The following BAZ2B variants were observed in gnomAD, a reference collection of about 807,000 sequenced individuals.
BAZ2B encodes bromodomain adjacent to zinc finger domain protein 2B.
A neutral mutation model predicts 246.0 loss-of-function variants in BAZ2B; 91 were observed. The observed-to-expected ratio is 0.37, with a 90% CI of 0.31 to 0.44. BAZ2B has a LOEUF of 0.44. Ranked by LOEUF, BAZ2B falls within the 20% of genes least tolerant of loss-of-function variation. BAZ2B has a pLI of 1.00. For missense variants in BAZ2B, 2,332 were observed against 2,533.7 expected (o/e 0.92, Z 1.71); for synonymous variants, 855 against 860.0 (o/e 0.99, Z 0.10).
chr2:159,629,930 G>A, the BAZ2B span, among the ~76,000 whole-genome samples: 1 of 152,128 alleles, frequency 6.6e-6, no homozygotes, highest in Non-Finnish European at 1.5e-5. Flanking sequence ...AAGAAAGCAA[G>A]TTGGAGAAAA....
chr2:159,569,413 T>G (rs780005719), intron 1 of BAZ2B, among the ~76,000 whole-genome samples: 8 of 152,078 alleles, frequency 5.3e-5, no homozygotes, highest in Non-Finnish European at 1.2e-4. Context: ...AGGCAAAAAA[T>G]TTTTAATAAA....
intron 22 of BAZ2B, 36 bp from the exon 23 acceptor site, chr2:159,385,405 C>T (rs1175927949): frequency 1.3e-6 from 2 of 1,540,470 alleles, no homozygotes; most frequent in East Asian, 4.5e-5. Flanking sequence ...GTATTACTCA[C>T]AACCATTTAT....
chr2:159,650,820 A>C, the BAZ2B span, among the ~76,000 whole-genome samples: 4 of 152,164 alleles, frequency 2.6e-5, no homozygotes, highest in Non-Finnish European at 5.9e-5. Flanking sequence ...AAAGTCTCTC[A>C]CAGCAGTAAG....
intron 1 of BAZ2B, among the ~76,000 whole-genome samples, chr2:159,570,472 C>T (rs551518893): frequency 7.2e-5 from 11 of 152,264 alleles, no homozygotes; most frequent in African/African-American, 1.2e-4. Flanking sequence ...TAAGCCACTG[C>T]GCCCGGCCTC....
chr2:159,419,128 C>A (rs2068274797), intron 13 of BAZ2B, among the ~76,000 whole-genome samples: 1 of 152,116 alleles, frequency 6.6e-6, no homozygotes, highest in Non-Finnish European at 1.5e-5. Context: ...GAATCTTTTA[C>A]TTCCCAATTT....
At chr2:159,558,362 T>C (rs1056581014) in intron 1 of BAZ2B, among the ~76,000 whole-genome samples, 3 of 152,188 alleles carry the variant, frequency 2.0e-5, no homozygotes, top group Non-Finnish European at 2.9e-5. Flanking sequence ...GTTCAAGCAA[T>C]TCTCCCGCCT....
chr2:159,357,377 T>C (rs2149245230), intron 27 of BAZ2B, among the ~76,000 whole-genome samples: 1 of 151,716 alleles, frequency 6.6e-6, no homozygotes, highest in South Asian at 2.1e-4. Flanking sequence ...TATCAATGAT[T>C]GAATATCAAC....
intron 2 of BAZ2B, among the ~76,000 whole-genome samples, chr2:159,482,445 A>G (rs986124490): frequency 6.6e-6 from 1 of 152,142 alleles, no homozygotes; most frequent in Admixed American, 6.5e-5. Flanking sequence ...AGCATTTAAT[A>G]CTTGTTAGCT....
intron 6 of BAZ2B, among the ~76,000 whole-genome samples, chr2:159,445,403 G>A (rs1461561012): frequency 3.9e-5 from 6 of 152,130 alleles, no homozygotes; most frequent in Non-Finnish European, 8.8e-5. Flanking sequence ...ATGAAATAAA[G>A]ATAACCTTTG....
chr2:159,426,452 GA>G (rs2069898023), intron 13 of BAZ2B, among the ~76,000 whole-genome samples: 1 of 152,062 alleles, frequency 6.6e-6, no homozygotes, highest in South Asian at 2.1e-4. Flanking sequence ...CTTTAAAACT[GA>G]TATCGTGTAT....
intron 3 of BAZ2B, among the ~76,000 whole-genome samples, chr2:159,457,243 A>G (rs1230713140): frequency 6.6e-6 from 1 of 152,188 alleles, no homozygotes. Flanking sequence ...TCATGTTTTG[A>G]GCATAATTTA....
At chr2:159,640,633 T>G in the BAZ2B span, among the ~76,000 whole-genome samples, 2 of 151,982 alleles carry the variant, frequency 1.3e-5, no homozygotes, top group African/African-American at 4.8e-5. Flanking sequence ...AGAAGGAAAT[T>G]GAAAGCTTTC....
chr2:159,385,095 C>T, intron 23 of BAZ2B, 60 bp downstream of exon 23: 1 of 1,508,772 alleles, frequency 6.6e-7, no homozygotes, highest in Non-Finnish European at 9.1e-7. Context: ...ATTTGTATTA[C>T]TTTTTGATTA....
At chr2:159,462,772 A>G (rs576041266) in intron 3 of BAZ2B, 467 of 1,407,442 alleles carry the variant, frequency 3.3e-4, no homozygotes, top group African/African-American at 2.0e-3. Flanking sequence ...GCTGACACTC[A>G]TGGCTTTCAA....
At chr2:159,459,845 C>T (rs2076199489) in intron 3 of BAZ2B, 1 of 152,060 alleles carries the variant, frequency 6.6e-6, no homozygotes, top group Non-Finnish European at 1.5e-5. Context: ...GTATTGCTCA[C>T]AAAACCTGTC....
chr2:159,367,082 T>C (rs150533338), intron 27 of BAZ2B, among the ~76,000 whole-genome samples: 53 of 152,346 alleles, frequency 3.5e-4, no homozygotes, highest in African/African-American at 1.1e-3. Context: ...CCTTGGTTTG[T>C]AGATCCTGGT....
intron 2 of BAZ2B, among the ~76,000 whole-genome samples, chr2:159,495,252 G>T (rs74604044): frequency 6.6e-6 from 1 of 151,364 alleles, no homozygotes; most frequent in Non-Finnish European, 1.5e-5. Context: ...TTGGGAGGCC[G>T]AGGCGGGCGG....
rs769303479 is a variant in BAZ2B, at chr2:159,386,441, A to C, written c.3383T>G (p.Ile1128Arg). The change falls in exon 22 of 37, where the codon ATA becomes AGA. Residue 1128 changes from isoleucine to arginine, a missense_variant. Coordinates refer to ENST00000392783, the MANE Select transcript of BAZ2B (RefSeq NM_013450.4). ...TTGTACTTCACCCATGCTGTCCCCT[A>C]TATTTAGCAATCCCTCTTGAAGAAC... ...LSVLQEGLLN[I>R]GDSMGEVQDL... 8.1e-6 allele frequency: 13 copies of C among 1,613,632 alleles called. No individual in the cohort carries two copies. The highest frequency in any genetic ancestry group is 1.1e-5 in the Non-Finnish European group (13 of 1,179,766).
At chr2:159,528,375 A>G (rs1377675788) in intron 2 of BAZ2B, among the ~76,000 whole-genome samples, 1 of 152,168 alleles carries the variant, frequency 6.6e-6, no homozygotes, top group East Asian at 1.9e-4. Context: ...AGTCTTTGTT[A>G]AAAACAGGCC....
Sources: allele counts gnomAD v4.1 joint callset (sites outside exome capture counted in the v4.1 genomes callset), GRCh38; gene constraint gnomAD v4.1.1; transcripts MANE v1.5; gene names NCBI Gene and HGNC (gene_info 2026-07-23, HGNC 2026-07-21).